Variants in TOX3 observed in about 807,000 individuals in gnomAD.
The protein encoded by TOX3 is TOX high mobility group box family member 3, also known as CAG trinucleotide repeat-containing gene F9 protein.
A neutral mutation model predicts 64.3 loss-of-function variants in TOX3; 22 were observed. The observed-to-expected ratio is 0.34, with a 90% CI of 0.24 to 0.49. The LOEUF (loss-of-function observed/expected upper bound fraction) is 0.49. TOX3 is among the 20% of genes least tolerant of loss of function. The pLI, the probability that TOX3 is intolerant of heterozygous loss-of-function variation, is 0.99. For missense variants in TOX3, 661 were observed against 714.4 expected, an observed-to-expected ratio of 0.93 and a Z score of 0.85; for synonymous variants, 291 against 273.6, an observed-to-expected ratio of 1.06 and a Z score of -0.63.
rs538482565 is a variant in TOX3 at position 52,451,650 on chromosome 16, T to C, written c.409-1104A>G. Among the ~76,000 whole-genome samples the C allele has an allele frequency of 2.6e-5, 4 of 152,302 alleles. No individual in the cohort carries two copies. The South Asian group carries it at 8.3e-4, about 32-fold the overall frequency. ...TTTTGAGTCCTTCCGATAAGGCTTA[T>C]TTTTGCTCTTTAAAGAAGCGGAATG... On this transcript the variant is annotated intron_variant, in intron 3 of 6. Coordinates refer to ENST00000219746, the MANE Select transcript of TOX3 (RefSeq NM_001080430.4).
intron 1 of TOX3, among the ~76,000 whole-genome samples, chr16:52,518,383 C>T (rs1962511762): frequency 1.3e-5 from 2 of 152,092 alleles, no homozygotes; most frequent in South Asian, 2.1e-4. Flanking sequence ...TATATCAAAG[C>T]ACAAATACCC....
intron 1 of TOX3, among the ~76,000 whole-genome samples, chr16:52,531,130 C>T (rs1199733468): frequency 1.3e-5 from 2 of 152,032 alleles, no homozygotes; most frequent in South Asian, 4.2e-4. Flanking sequence ...GGAGGATATT[C>T]GAAAAGTTAT....
At chr16:52,517,058 T>C (rs1400101630) in intron 1 of TOX3, among the ~76,000 whole-genome samples, 3 of 151,714 alleles carry the variant, frequency 2.0e-5, no homozygotes, top group Non-Finnish European at 4.4e-5. Context: ...GTGATTCTCC[T>C]ATAAAATCTA....
At chr16:52,482,681 C>T (rs1489115160) in intron 1 of TOX3, among the ~76,000 whole-genome samples, 1 of 152,148 alleles carries the variant, frequency 6.6e-6, no homozygotes, top group African/African-American at 2.4e-5. Flanking sequence ...AGGGGGGACA[C>T]ACTACTTACC....
chr16:52,490,357 C>T (rs917933686), intron 1 of TOX3, among the ~76,000 whole-genome samples: 5 of 152,118 alleles, frequency 3.3e-5, no homozygotes, highest in African/African-American at 1.2e-4. Context: ...AACCTCTTTT[C>T]TTCATAAATT....
At chr16:52,536,627 CTATATA>C (rs57164139) in intron 1 of TOX3, among the ~76,000 whole-genome samples, 1,611 of 34,178 alleles carry the variant, frequency 0.047, 48 homozygotes, top group Non-Finnish European at 0.067. Context: ...TAGATATACA[CTATATA>C]TATATATATA....
chr16:52,523,299 A>G (rs540129449), intron 1 of TOX3, among the ~76,000 whole-genome samples: 17 of 152,256 alleles, frequency 1.1e-4, no homozygotes, highest in African/African-American at 3.1e-4. Flanking sequence ...AGAGCGGGGT[A>G]TGTGGTGGGA....
At chr16:52,514,918 G>A (rs1423426540) in intron 1 of TOX3, among the ~76,000 whole-genome samples, 1 of 146,530 alleles carries the variant, frequency 6.8e-6, no homozygotes, top group African/African-American at 2.6e-5. Context: ...GGTTGAGGCA[G>A]GAGAATGGCA....
intron 1 of TOX3, among the ~76,000 whole-genome samples, chr16:52,489,459 T>C (rs774464597): frequency 6.6e-6 from 1 of 152,184 alleles, no homozygotes; most frequent in Non-Finnish European, 1.5e-5. Context: ...CCGTAGTATC[T>C]AGGTCTCAAA....
At chr16:52,455,182 T>C (rs1296837421) in intron 3 of TOX3, among the ~76,000 whole-genome samples, 1 of 152,136 alleles carries the variant, frequency 6.6e-6, no homozygotes, top group Non-Finnish European at 1.5e-5. Context: ...TTTTCAGTAT[T>C]TGGGAAAAAC....
At chr16:52,498,481 G>A (rs1337387884) in intron 1 of TOX3, among the ~76,000 whole-genome samples, 1 of 152,140 alleles carries the variant, frequency 6.6e-6, no homozygotes, top group African/African-American at 2.4e-5. Flanking sequence ...ACTGGGCTGG[G>A]AGCCCCCGCA....
At chr16:52,451,373 T>C (rs978926407) in intron 3 of TOX3, among the ~76,000 whole-genome samples, 3 of 152,234 alleles carry the variant, frequency 2.0e-5, no homozygotes, top group African/African-American at 7.2e-5. Flanking sequence ...TGAAACTTAT[T>C]GCAGTTACTT....
intron 1 of TOX3, among the ~76,000 whole-genome samples, chr16:52,484,959 A>G (rs1171560522): frequency 1.3e-5 from 2 of 151,926 alleles, no homozygotes; most frequent in East Asian, 3.9e-4. Context: ...TCATTGCAGC[A>G]CTATTCACAA....
intron 3 of TOX3, among the ~76,000 whole-genome samples, chr16:52,455,639 T>C (rs768076387): frequency 1.3e-5 from 2 of 152,070 alleles, no homozygotes; most frequent in Non-Finnish European, 2.9e-5. Flanking sequence ...CTACATTTGA[T>C]TGGGTCAATA....
rs531558689 is a variant in TOX3, at chr16:52,468,211, GTA to G, written c.153+296_153+297del. On this transcript the variant is annotated intron_variant, in intron 2 of 6. Transcript: ENST00000219746. ...ACTTATCTGCTTAGATACCAACACT[GTA>G]TATGTGTGTGTGTGTGTTTTAACAT... Among the ~76,000 whole-genome samples, 641 of 152,212 alleles carry G rather than the reference GTA, an allele frequency of 4.2e-3. 2 individuals are homozygous for G. Among genetic ancestry groups the G allele is most frequent in the African/African-American group, 0.013 (539 of 41,518 alleles).
chr16:52,512,560 G>A (rs1279542734), intron 1 of TOX3, among the ~76,000 whole-genome samples: 2 of 152,218 alleles, frequency 1.3e-5, no homozygotes, highest in Non-Finnish European at 2.9e-5. Flanking sequence ...CAAAGTCCAT[G>A]CCCTTGGTGA....
chr16:52,513,724 T>C (rs1962372284), intron 1 of TOX3, among the ~76,000 whole-genome samples: 1 of 152,170 alleles, frequency 6.6e-6, no homozygotes, highest in African/African-American at 2.4e-5. Flanking sequence ...AAGTCTAAAA[T>C]GTCAAACTTT....
chr16:52,437,640 A>G lies in TOX3; in HGVS notation c.*1585T>C, dbSNP rs1268946386. On this transcript the variant is annotated 3_prime_UTR_variant, in exon 7 of 7. Transcript: ENST00000219746. ...CCGCTACAGAGCAAGAAAAGGGGGG[A>G]ATAAATGGGCACCGAAATAATTATT... Among the ~76,000 whole-genome samples the G allele has an allele frequency of 1.3e-5, 2 of 152,210 alleles. No homozygotes were observed. The highest frequency in any genetic ancestry group is 6.5e-5 in the Admixed American group (1 of 15,276).
At chr16:52,506,909 C>T (rs1456157330) in intron 1 of TOX3, among the ~76,000 whole-genome samples, 1 of 152,126 alleles carries the variant, frequency 6.6e-6, no homozygotes, top group Non-Finnish European at 1.5e-5. Flanking sequence ...AAAAGGTTAT[C>T]TTGAAGGTTA....
Sources: allele counts gnomAD v4.1 joint callset (sites outside exome capture counted in the v4.1 genomes callset), GRCh38; gene constraint gnomAD v4.1.1; transcripts MANE v1.5; gene names NCBI Gene and HGNC (gene_info 2026-07-23, HGNC 2026-07-21).